The following CHRM3 variants were observed in gnomAD, a reference collection of about 807,000 sequenced individuals.
The protein encoded by CHRM3 is cholinergic receptor muscarinic 3.
In CHRM3, 11 loss-of-function variants were observed where a neutral mutation model predicts 41.8. The observed-to-expected ratio is 0.26, with a 90% CI of 0.17 to 0.44. The LOEUF (loss-of-function observed/expected upper bound fraction) is 0.44. Ranked by LOEUF, CHRM3 falls within the 20% of genes least tolerant of loss-of-function variation. The probability of loss-of-function intolerance (pLI) is 1.00; values close to 1 mark genes in which losing one functional copy is unlikely to be tolerated. For synonymous variants in CHRM3, 297 were observed against 301.4 expected (o/e 0.99, Z 0.15); for missense variants, 571 against 745.4 (o/e 0.77, Z 2.72).
intron 2 of CHRM3, among the ~76,000 whole-genome samples, chr1:239,504,294 T>C (rs1668426297): frequency 6.6e-6 from 1 of 151,966 alleles, no homozygotes; most frequent in African/African-American, 2.4e-5. Context: ...GATATACAGA[T>C]GACCAACAAA....
At chr1:239,621,830 G>T (rs1668393300) in intron 3 of CHRM3, among the ~76,000 whole-genome samples, 1 of 152,096 alleles carries the variant, frequency 6.6e-6, no homozygotes, top group Admixed American at 6.6e-5. Context: ...GATGAAGGTG[G>T]CAACACTAAA....
intron 1 of CHRM3, among the ~76,000 whole-genome samples, chr1:239,450,868 T>G (rs1664507611): frequency 6.6e-6 from 1 of 152,190 alleles, no homozygotes; most frequent in Non-Finnish European, 1.5e-5. Context: ...GTTTTAAATT[T>G]GAGCATCGTC....
At chr1:239,728,173 T>C (rs892304269) in intron 5 of CHRM3, among the ~76,000 whole-genome samples, 1 of 151,980 alleles carries the variant, frequency 6.6e-6, no homozygotes, top group African/African-American at 2.4e-5. Context: ...AAGGGTTTTC[T>C]GGAAGTGGAG....
intron 5 of CHRM3, among the ~76,000 whole-genome samples, chr1:239,755,388 TA>T (rs1325388599): frequency 6.6e-6 from 1 of 152,134 alleles, no homozygotes; most frequent in Non-Finnish European, 1.5e-5. Context: ...GTAAAAGCAA[TA>T]AAGTTCCTGA....
In CHRM3 at chr1:239,602,090, A is replaced by ATGTGTGTGTG. The variant is rs1553337601; in HGVS notation, c.-312-30122_-312-30113dup. On this transcript the variant is annotated intron_variant, in intron 3 of 6. Transcript: ENST00000676153. ...CACATATGTACACATACATATATAC[A>ATGTGTGTGTG]TGTGTGTGTGTGTGTGTGTGTATAT... is the stretch of plus-strand genomic sequence containing the variant. Among the ~76,000 whole-genome samples the ATGTGTGTGTG allele has an allele frequency of 2.5e-3, 323 of 131,206 alleles. 1 individual carries two copies. Among genetic ancestry groups the ATGTGTGTGTG allele is most frequent in the South Asian group, 0.022 (93 of 4,254 alleles). 86.1% of individuals were successfully genotyped at this position (131,206 alleles called of 152,430 possible). A position where few individuals can be genotyped will look rare whatever the true frequency, so the allele number is the denominator to read the frequency against.
At chr1:239,411,633 G>A (rs955432843) in intron 1 of CHRM3, among the ~76,000 whole-genome samples, 1 of 141,008 alleles carries the variant, frequency 7.1e-6, no homozygotes, top group Non-Finnish European at 1.5e-5. Context: ...GCTGAGGCAG[G>A]ACAATCGCTT....
At chr1:239,422,518 A>T (rs1043921165) in intron 1 of CHRM3, among the ~76,000 whole-genome samples, 1 of 152,164 alleles carries the variant, frequency 6.6e-6, no homozygotes, top group Non-Finnish European at 1.5e-5. Context: ...AAAGTTGTCC[A>T]AGCGCGGTGG....
chr1:239,537,873 C>G (rs960532776), intron 2 of CHRM3, among the ~76,000 whole-genome samples: 2 of 152,188 alleles, frequency 1.3e-5, no homozygotes, highest in African/African-American at 2.4e-5. Flanking sequence ...TTTGCCCACT[C>G]ATTGGCTAAT....
intron 6 of CHRM3, among the ~76,000 whole-genome samples, chr1:239,842,320 C>T (rs1673879225): frequency 6.6e-6 from 1 of 151,842 alleles, no homozygotes; most frequent in Admixed American, 6.6e-5. Context: ...CTCTCGGACT[C>T]CGCCTCCCGG....
chr1:239,419,940 T>G (rs1486683075), intron 1 of CHRM3, among the ~76,000 whole-genome samples: 3 of 152,228 alleles, frequency 2.0e-5, no homozygotes, highest in Admixed American at 2.0e-4. Context: ...ATCGTTTCCC[T>G]GCCCCTGTCT....
intron 6 of CHRM3, among the ~76,000 whole-genome samples, chr1:239,854,262 G>A (rs77720669): frequency 0.018 from 2,750 of 152,152 alleles, 98 homozygotes; most frequent in African/African-American, 0.063. Flanking sequence ...CTCTGAAAAT[G>A]GATGCTTCCA....
intron 6 of CHRM3, among the ~76,000 whole-genome samples, chr1:239,861,080 T>G (rs1675599694): frequency 6.6e-6 from 1 of 152,220 alleles, no homozygotes; most frequent in African/African-American, 2.4e-5. Flanking sequence ...TTTCTATCAG[T>G]AACCTCTATT....
At chr1:239,494,285 G>A (rs544272984) in intron 2 of CHRM3, among the ~76,000 whole-genome samples, 4 of 152,140 alleles carry the variant, frequency 2.6e-5, no homozygotes, top group Middle Eastern at 3.4e-3. Context: ...TTTCATTGCC[G>A]TCTGCTGGTT....
intron 5 of CHRM3, among the ~76,000 whole-genome samples, chr1:239,821,260 G>C (rs6429160): frequency 0.66 from 100,934 of 152,080 alleles, 34,238 homozygotes; most frequent in East Asian, 0.86. Flanking sequence ...TCTCTAATGA[G>C]ACATATACAC....
chr1:239,826,654 C>T (rs2149077053), intron 5 of CHRM3, among the ~76,000 whole-genome samples: 1 of 152,200 alleles, frequency 6.6e-6, no homozygotes, highest in Non-Finnish European at 1.5e-5. Context: ...GAGGAGGGCA[C>T]TTTGTTAAAT....
chr1:239,774,332 G>A (rs150217079), intron 5 of CHRM3, among the ~76,000 whole-genome samples: 2 of 152,232 alleles, frequency 1.3e-5, no homozygotes, highest in Non-Finnish European at 2.9e-5. Context: ...AATAGTCGTA[G>A]TAGGAATACC....
intron 5 of CHRM3, among the ~76,000 whole-genome samples, chr1:239,701,572 T>C (rs1660691512): frequency 6.6e-6 from 1 of 152,200 alleles, no homozygotes; most frequent in Non-Finnish European, 1.5e-5. Context: ...ATTACCTAGC[T>C]CAGCTATCTG....
intron 2 of CHRM3, among the ~76,000 whole-genome samples, chr1:239,533,541 G>GATGTGAC (rs1657869405): frequency 1.3e-5 from 2 of 151,190 alleles, no homozygotes. Flanking sequence ...TTTGAGACCA[G>GATGTGAC]CTTGGAGAGT....
At chr1:239,646,994 A>G (rs1671794550) in intron 4 of CHRM3, among the ~76,000 whole-genome samples, 1 of 152,200 alleles carries the variant, frequency 6.6e-6, no homozygotes, top group South Asian at 2.1e-4. Flanking sequence ...AGACACCACA[A>G]AGAAATGTGG....
Sources: allele counts gnomAD v4.1 joint callset (sites outside exome capture counted in the v4.1 genomes callset), GRCh38; gene constraint gnomAD v4.1.1; transcripts MANE v1.5; gene names NCBI Gene and HGNC (gene_info 2026-07-23, HGNC 2026-07-21).